The following ACBD6 variants were observed in gnomAD, a reference collection of about 807,000 sequenced individuals.
ACBD6 encodes acyl-CoA-binding domain-containing protein 6.
A neutral mutation model predicts 37.2 loss-of-function variants in ACBD6; 28 were observed. The observed-to-expected ratio is 0.75, with a 90% CI of 0.56 to 1.03. The LOEUF (loss-of-function observed/expected upper bound fraction) is 1.03, where lower values mean the gene tolerates loss of function less well. Ranked by LOEUF, ACBD6 falls within the 50% of genes least tolerant of loss-of-function variation. ACBD6 has a pLI of 0.00. For synonymous variants in ACBD6, 113 were observed against 126.8 expected (o/e 0.89, Z 0.73); for missense variants, 340 against 337.4 (o/e 1.01, Z -0.06).
intron 3 of ACBD6, among the ~76,000 whole-genome samples, chr1:180,473,185 C>T (rs998280004): frequency 5.3e-5 from 8 of 152,194 alleles, no homozygotes; most frequent in Admixed American, 2.6e-4. Flanking sequence ...CGGTGGCTCA[C>T]GCCTGTAATC....
intron 7 of ACBD6, among the ~76,000 whole-genome samples, chr1:180,294,526 T>C (rs768589396): frequency 2.6e-5 from 4 of 151,892 alleles, no homozygotes; most frequent in Non-Finnish European, 5.9e-5. Flanking sequence ...CCTGGGTGAC[T>C]GAGACCCTGA....
chr1:180,473,165 G>T (rs1223105920), intron 3 of ACBD6, among the ~76,000 whole-genome samples: 2 of 152,050 alleles, frequency 1.3e-5, no homozygotes, highest in Admixed American at 1.3e-4. Flanking sequence ...ACTTTTACAC[G>T]GGCCGGGCAC....
chr1:180,363,895 G>T (rs1004694002), intron 6 of ACBD6, among the ~76,000 whole-genome samples: 1 of 152,132 alleles, frequency 6.6e-6, no homozygotes, highest in Non-Finnish European at 1.5e-5. Context: ...GAACCACATA[G>T]ACAGCTCATA....
At chr1:180,482,495 A>G (rs980561647) in intron 3 of ACBD6, among the ~76,000 whole-genome samples, 3 of 151,172 alleles carry the variant, frequency 2.0e-5, no homozygotes, top group Non-Finnish European at 4.4e-5. Context: ...AAAAGTTTTA[A>G]AGATCTAAGA....
chr1:180,392,044 C>T (rs994861805), intron 6 of ACBD6, among the ~76,000 whole-genome samples: 2 of 152,120 alleles, frequency 1.3e-5, no homozygotes, highest in East Asian at 3.9e-4. Flanking sequence ...AAGCTTAATC[C>T]AAAAGTATAT....
At chr1:180,439,535 A>G (rs952135006) in intron 3 of ACBD6, among the ~76,000 whole-genome samples, 4 of 152,066 alleles carry the variant, frequency 2.6e-5, no homozygotes, top group Non-Finnish European at 5.9e-5. Flanking sequence ...ACTTGCAGTG[A>G]GCCAAGATTG....
chr1:180,493,267 AAAAAAAAAAAACAACAAC>A (rs1023025320), intron 2 of ACBD6, among the ~76,000 whole-genome samples: 7 of 110,296 alleles, frequency 6.3e-5, no homozygotes, highest in African/African-American at 3.3e-4. Context: ...AAAAAAAAAA[AAAAAAAAAAAACAACAAC>A]AGCAACTAAA....
At chr1:180,287,642 C>T (rs1558234521), downstream of ACBD6, among the ~76,000 whole-genome samples, 1 of 121,206 alleles carries the variant, frequency 8.3e-6, no homozygotes. Context: ...TCATTATAGA[C>T]AATTAAAAGA....
chr1:180,472,734 C>CT (rs1453248813), intron 3 of ACBD6, among the ~76,000 whole-genome samples: 3 of 152,068 alleles, frequency 2.0e-5, no homozygotes, highest in African/African-American at 7.2e-5. Flanking sequence ...TTCTAAAGTA[C>CT]TTTAATTCTT....
chr1:180,401,426 T>C (rs1647353598), intron 5 of ACBD6, among the ~76,000 whole-genome samples: 1 of 152,094 alleles, frequency 6.6e-6, no homozygotes, highest in African/African-American at 2.4e-5. Context: ...AACTCGTCCA[T>C]AAACCATGTA....
chr1:180,428,855 C>G (rs964282483), intron 4 of ACBD6, among the ~76,000 whole-genome samples: 2 of 152,076 alleles, frequency 1.3e-5, no homozygotes, highest in Admixed American at 6.6e-5. Flanking sequence ...ATAGCCTATA[C>G]ATTTTTTATT....
intron 6 of ACBD6, among the ~76,000 whole-genome samples, chr1:180,353,527 T>A (rs1216305123): frequency 1.3e-5 from 2 of 152,050 alleles, no homozygotes; most frequent in Non-Finnish European, 2.9e-5. Context: ...GAAATCAAAT[T>A]TTGCTAGGCT....
At chr1:180,430,300 T>A (rs755647390) in intron 3 of ACBD6, 38 bp from the exon 4 acceptor site, 1 of 1,517,890 alleles carries the variant, frequency 6.6e-7, no homozygotes, top group African/African-American at 1.4e-5. Context: ...AAAAGACAAA[T>A]GGGTTAAAAC....
intron 5 of ACBD6, among the ~76,000 whole-genome samples, chr1:180,408,102 ACTCAT>A (rs1467409659): frequency 2.6e-5 from 4 of 152,224 alleles, no homozygotes; most frequent in African/African-American, 9.7e-5. Context: ...AGATGGTGTC[ACTCAT>A]CTCATGAGAC....
intron 6 of ACBD6, among the ~76,000 whole-genome samples, chr1:180,321,448 T>G (rs2149294895): frequency 6.6e-6 from 1 of 152,352 alleles, no homozygotes; most frequent in East Asian, 1.9e-4. Context: ...CACCTTTGTG[T>G]GTTCCCTTCA....
chr1:180,375,822 GACT>G (rs1653410378), intron 6 of ACBD6, among the ~76,000 whole-genome samples: 1 of 151,798 alleles, frequency 6.6e-6, no homozygotes. Context: ...GCAATAAAAT[GACT>G]AATAAATTTG....
intron 6 of ACBD6, among the ~76,000 whole-genome samples, chr1:180,321,657 G>T (rs912401275): frequency 1.3e-5 from 2 of 152,010 alleles, no homozygotes; most frequent in Admixed American, 1.3e-4. Context: ...GACAGAGCAA[G>T]ACTCTGTCTC....
At chr1:180,402,263 AC>A (rs573185090) in intron 5 of ACBD6, among the ~76,000 whole-genome samples, 497 of 152,324 alleles carry the variant, frequency 3.3e-3, no homozygotes, top group Middle Eastern at 0.01. Flanking sequence ...TAGTGAAATG[AC>A]AATGTTATTT....
intron 6 of ACBD6, among the ~76,000 whole-genome samples, chr1:180,329,375 T>C (rs1317961068): frequency 6.6e-6 from 1 of 152,222 alleles, no homozygotes; most frequent in Non-Finnish European, 1.5e-5. Flanking sequence ...AGGATATTCA[T>C]TTATCCTTTA....
Sources: allele counts gnomAD v4.1 joint callset (sites outside exome capture counted in the v4.1 genomes callset), GRCh38; gene constraint gnomAD v4.1.1; transcripts MANE v1.5; gene names NCBI Gene and HGNC (gene_info 2026-07-23, HGNC 2026-07-21).